HMGCLL1: variants seen among roughly 807,000 people sequenced by gnomAD.
HMGCLL1 encodes 3-hydroxy-3-methylglutaryl-CoA lyase like 1.
HMGCLL1 carries 36 observed loss-of-function variants against 39.1 expected under a neutral mutation model. The ratio of observed to expected loss-of-function variants is 0.92; its 90% CI spans 0.71 to 1.22. HMGCLL1 has a LOEUF of 1.22. Among genes scored for constraint, HMGCLL1 ranks in the 50% most tolerant of loss-of-function variants. HMGCLL1 has a pLI of 0.00. For missense variants in HMGCLL1, 451 were observed against 416.5 expected (o/e 1.08, Z -0.72); for synonymous variants, 149 against 144.0 (o/e 1.03, Z -0.25).
intron 1 of HMGCLL1, among the ~76,000 whole-genome samples, chr6:55,546,377 C>A (rs1769976789): frequency 6.6e-6 from 1 of 152,072 alleles, no homozygotes; most frequent in African/African-American, 2.4e-5. Context: ...CTTTGCTTGC[C>A]TGTTTCTCCT....
chr6:55,459,389 T>C (rs1474381516), intron 7 of HMGCLL1, among the ~76,000 whole-genome samples: 1 of 151,956 alleles, frequency 6.6e-6, no homozygotes, highest in Admixed American at 6.6e-5. Flanking sequence ...TTGAGGCAGG[T>C]TTTATAGAGG....
chr6:55,576,358 A>G (rs1046465664), intron 1 of HMGCLL1, among the ~76,000 whole-genome samples: 3 of 152,194 alleles, frequency 2.0e-5, no homozygotes, highest in Admixed American at 6.5e-5. Flanking sequence ...AAAAAAGGCC[A>G]CTGTGGCTAA....
At chr6:55,637,545 G>T in the HMGCLL1 span, among the ~76,000 whole-genome samples, 8 of 152,072 alleles carry the variant, frequency 5.3e-5, no homozygotes, top group Admixed American at 3.9e-4. Flanking sequence ...AGGGCCTGGT[G>T]TATAAGCTCA....
intron 3 of HMGCLL1, among the ~76,000 whole-genome samples, chr6:55,535,209 AACG>A (rs1477386255): frequency 4.6e-5 from 7 of 152,362 alleles, no homozygotes; most frequent in African/African-American, 1.7e-4. Context: ...TAAGAAATTC[AACG>A]TGTTTATATA....
chr6:55,561,053 G>A (rs2127470471), intron 1 of HMGCLL1, among the ~76,000 whole-genome samples: 1 of 152,090 alleles, frequency 6.6e-6, no homozygotes, highest in South Asian at 2.1e-4. Context: ...AATTCATCGG[G>A]TTGTTCAATT....
intron 1 of HMGCLL1, among the ~76,000 whole-genome samples, chr6:55,549,754 T>A (rs1336326009): frequency 1.3e-5 from 2 of 151,774 alleles, no homozygotes; most frequent in African/African-American, 4.9e-5. Flanking sequence ...TAAAAAGCAA[T>A]CAAATTTCAT....
chr6:55,628,800 A>G, the HMGCLL1 span, among the ~76,000 whole-genome samples: 1 of 152,164 alleles, frequency 6.6e-6, no homozygotes, highest in African/African-American at 2.4e-5. Context: ...TGATGGTTTT[A>G]TAAGAAGGAG....
chr6:55,646,613 G>T, the HMGCLL1 span, among the ~76,000 whole-genome samples: 1 of 151,852 alleles, frequency 6.6e-6, no homozygotes, highest in African/African-American at 2.4e-5. Flanking sequence ...TTTGTTTCAA[G>T]AAATTTTTCA....
chr6:55,495,384 A>G lies in HMGCLL1; in HGVS notation c.795+35T>C, dbSNP rs757880636. ...TATTACAGATAAAGATGAACACCCTATGCACACACATAACACACAAAGAGT... is the reference window on the plus strand; with the variant it reads ...TATTACAGATAAAGATGAACACCCTGTGCACACACATAACACACAAAGAGT... On this transcript the variant is annotated intron_variant, in intron 7 of 8. Transcript: ENST00000274901. The G allele has an allele frequency of 5.3e-6, 8 of 1,504,496 alleles. No individual in the cohort carries two copies. The East Asian group carries it at 1.4e-4, about 26-fold the overall frequency. The allele number at this position is 1,504,496 out of a possible 1,614,324, so 93.2% of individuals were successfully genotyped here.
chr6:55,537,220 GC>G (rs1290660459), intron 3 of HMGCLL1, among the ~76,000 whole-genome samples: 1 of 152,054 alleles, frequency 6.6e-6, no homozygotes, highest in Non-Finnish European at 1.5e-5. Flanking sequence ...CTCAATATTT[GC>G]CTTTGACAAA....
At chr6:55,673,828 G>A in the HMGCLL1 span, among the ~76,000 whole-genome samples, 1 of 151,778 alleles carries the variant, frequency 6.6e-6, no homozygotes, top group East Asian at 1.9e-4. Context: ...ATGTTAAATG[G>A]TCCATTTTGT....
chr6:55,477,439 T>A (rs866441442), intron 7 of HMGCLL1, among the ~76,000 whole-genome samples: 6 of 32,188 alleles, frequency 1.9e-4, no homozygotes, highest in South Asian at 9.0e-4. Flanking sequence ...TATTATATAT[T>A]ATATATATAA....
chr6:55,486,959 A>C (rs955951654), intron 7 of HMGCLL1, among the ~76,000 whole-genome samples: 8 of 152,210 alleles, frequency 5.3e-5, no homozygotes, highest in Non-Finnish European at 7.4e-5. Context: ...CAGAAGTGGC[A>C]AATAAATTCC....
the HMGCLL1 span, among the ~76,000 whole-genome samples, chr6:55,637,539 C>T: frequency 6.6e-6 from 1 of 152,004 alleles, no homozygotes; most frequent in Non-Finnish European, 1.5e-5. Context: ...TTTGTTAGGG[C>T]CTGGTGTATA....
chr6:55,460,785 G>A (rs977529834), intron 7 of HMGCLL1, among the ~76,000 whole-genome samples: 1 of 151,874 alleles, frequency 6.6e-6, no homozygotes, highest in African/African-American at 2.4e-5. Context: ...GTTGTTATTT[G>A]AGCTCTGTAG....
At chr6:55,452,837 G>C (rs1307199707) in intron 7 of HMGCLL1, among the ~76,000 whole-genome samples, 1 of 152,134 alleles carries the variant, frequency 6.6e-6, no homozygotes, top group Non-Finnish European at 1.5e-5. Flanking sequence ...GCATCATTAA[G>C]TTAATGACTT....
At chr6:55,604,892 A>T in the HMGCLL1 span, among the ~76,000 whole-genome samples, 1 of 150,370 alleles carries the variant, frequency 6.7e-6, no homozygotes. Context: ...CCACTATCCT[A>T]TGTATAAGTG....
intron 1 of HMGCLL1, among the ~76,000 whole-genome samples, chr6:55,544,435 G>T (rs1343184468): frequency 6.6e-5 from 10 of 152,108 alleles, no homozygotes; most frequent in Non-Finnish European, 1.5e-4. Flanking sequence ...CCATATTCAA[G>T]TTCTTTAAGT....
intron 3 of HMGCLL1, among the ~76,000 whole-genome samples, chr6:55,541,320 C>A (rs1769420119): frequency 6.6e-6 from 1 of 152,232 alleles, no homozygotes; most frequent in East Asian, 1.9e-4. Flanking sequence ...GAGTATGTGT[C>A]TCCATTTCTC....
Sources: gnomAD v4.1 joint callset for allele counts (sites outside exome capture counted in the v4.1 genomes callset) on GRCh38, gnomAD v4.1.1 for gene constraint, MANE v1.5 for transcripts, NCBI Gene and HGNC (gene_info 2026-07-23, HGNC 2026-07-21) for gene names.